The following COL4A1 variants were observed in gnomAD, a reference collection of about 807,000 sequenced individuals.
COL4A1 encodes the protein collagen type IV alpha 1 chain, also known as collagen alpha-1(IV) chain.
A neutral mutation model predicts 216.6 loss-of-function variants in COL4A1; 40 were observed. The observed-to-expected ratio is 0.18, with a 90% CI of 0.14 to 0.24. COL4A1 has a LOEUF of 0.24. Among genes scored for constraint, COL4A1 ranks in the 10% least tolerant of loss-of-function variants. The pLI, the probability that COL4A1 is intolerant of heterozygous loss-of-function variation, is 1.00. For missense variants in COL4A1, 1,628 were observed against 2,196.8 expected (o/e 0.74, Z 5.18); for synonymous variants, 839 against 810.7 (o/e 1.03, Z -0.59).
intron 36 of COL4A1, among the ~76,000 whole-genome samples, chr13:110,176,003 C>T (rs2005447): frequency 0.33 from 50,003 of 152,022 alleles, 8,443 homozygotes; most frequent in Non-Finnish European, 0.37. Context: ...ACACTGATGG[C>T]AAAGCATTAA....
intron 2 of COL4A1, 90 bp downstream of exon 2, chr13:110,242,585 C>G: frequency 1.4e-6 from 2 of 1,412,926 alleles, no homozygotes; most frequent in Non-Finnish European, 2.0e-6. Context: ...AAGGCTTTCA[C>G]CTGAATTGCT....
chr13:110,228,733 C>T (rs946635423), intron 2 of COL4A1, among the ~76,000 whole-genome samples: 8 of 152,186 alleles, frequency 5.3e-5, no homozygotes, highest in Non-Finnish European at 1.0e-4. Context: ...GGCATCTGGT[C>T]AATTGTCTCT....
chr13:110,291,562 C>T (rs918961794), intron 1 of COL4A1, among the ~76,000 whole-genome samples: 6 of 152,230 alleles, frequency 3.9e-5, no homozygotes, highest in Non-Finnish European at 8.8e-5. Flanking sequence ...AGGGACTAGA[C>T]TTGTCAGTTT....
intron 1 of COL4A1, among the ~76,000 whole-genome samples, chr13:110,255,599 GGGCAGGCAGGAAGGGAGGGGGCA>G (rs1179524135): frequency 1.3e-4 from 1 of 7,816 alleles, no homozygotes; most frequent in African/African-American, 6.6e-4. Flanking sequence ...GAAGGGAAGG[GGGCAGGCAGGAAGGGAGGGGGCA>G]GGCAGGCAGG....
At position 110,222,496 on chromosome 13, in the gene COL4A1, G is replaced by A. The variant is rs1240966117; in HGVS notation, c.145-8481C>T. Among the ~76,000 whole-genome samples the A allele has an allele frequency of 3.7e-5, 5 of 136,554 alleles. No homozygotes were observed. In the Admixed American group the frequency reaches 3.9e-4, roughly 11 times the overall value. The allele number at this position is 136,554 out of a possible 152,430, so 89.6% of individuals were successfully genotyped here. ...TAAAGAATTAAGGCTTTTTCAGGCC[G>A]GGCGCGGTGGCTCACGCCTGTAATC... On this transcript the variant is annotated intron_variant, in intron 2 of 51. Coordinates refer to ENST00000375820, the MANE Select transcript of COL4A1 (RefSeq NM_001845.6).
intron 2 of COL4A1, 131 bp from the exon 3 acceptor site, chr13:110,214,146 T>G: frequency 1.3e-6 from 1 of 755,206 alleles, no homozygotes; most frequent in Non-Finnish European, 2.3e-6. Context: ...CAGGCTGGAG[T>G]GCATGCACGA....
At chr13:110,177,494 A>C (rs1473354919) in intron 33 of COL4A1, among the ~76,000 whole-genome samples, 2 of 152,238 alleles carry the variant, frequency 1.3e-5, no homozygotes, top group African/African-American at 2.4e-5. Context: ...ATAAAGACGA[A>C]GCCTTGTAAA....
At chr13:110,196,263 C>T (rs1379718851) in intron 21 of COL4A1, among the ~76,000 whole-genome samples, 1 of 152,200 alleles carries the variant, frequency 6.6e-6, no homozygotes, top group Non-Finnish European at 1.5e-5. Flanking sequence ...CCATGGGTCC[C>T]CCACAGCCAC....
intron 36 of COL4A1, among the ~76,000 whole-genome samples, chr13:110,176,123 C>T (rs1231517434): frequency 1.3e-5 from 2 of 152,212 alleles, no homozygotes; most frequent in Admixed American, 6.5e-5. Context: ...GAGAAGCCGT[C>T]GTCTCTTAGG....
intron 1 of COL4A1, among the ~76,000 whole-genome samples, chr13:110,258,724 G>T (rs1411457172): frequency 6.6e-6 from 1 of 152,086 alleles, no homozygotes; most frequent in African/African-American, 2.4e-5. Flanking sequence ...TTGTTGCTTT[G>T]ACTTCAATTT....
At chr13:110,201,171 T>G (rs1879173696) in intron 19 of COL4A1, among the ~76,000 whole-genome samples, 1 of 145,696 alleles carries the variant, frequency 6.9e-6, no homozygotes, top group Non-Finnish European at 1.5e-5. Context: ...GCTTCCAAAA[T>G]ATGGAGGAAC....
At chr13:110,210,248 T>A (rs1339454411) in intron 8 of COL4A1, 36 bp from the exon 9 acceptor site, 1 of 1,592,724 alleles carries the variant, frequency 6.3e-7, no homozygotes, top group South Asian at 1.1e-5. Flanking sequence ...AAGTTGCAAA[T>A]ATCGACATTC....
chr13:110,212,912 A>G (rs765151136), intron 4 of COL4A1, among the ~76,000 whole-genome samples: 3 of 152,246 alleles, frequency 2.0e-5, no homozygotes, highest in Non-Finnish European at 4.4e-5. Flanking sequence ...GGTGGAATCC[A>G]TGCACCATGG....
At chr13:110,160,534 T>A (rs1877034847) in intron 49 of COL4A1, among the ~76,000 whole-genome samples, 1 of 152,198 alleles carries the variant, frequency 6.6e-6, no homozygotes, top group African/African-American at 2.4e-5. Flanking sequence ...TGTTACTTTT[T>A]AAAAAGAAAG....
intron 2 of COL4A1, among the ~76,000 whole-genome samples, chr13:110,227,427 A>C (rs9515171): frequency 0.054 from 7,038 of 130,030 alleles, 184 homozygotes; most frequent in East Asian, 0.11. Context: ...CACACACACA[A>C]ACACACACAA....
intron 1 of COL4A1, among the ~76,000 whole-genome samples, chr13:110,261,091 C>T: frequency 6.9e-6 from 1 of 145,678 alleles, no homozygotes; most frequent in African/African-American, 2.5e-5. Flanking sequence ...GTGTATTTTA[C>T]CACAATTTTA....
chr13:110,273,606 T>G (rs1883326623), intron 1 of COL4A1, among the ~76,000 whole-genome samples: 1 of 152,198 alleles, frequency 6.6e-6, no homozygotes, highest in Non-Finnish European at 1.5e-5. Flanking sequence ...GTTTAAATTG[T>G]TTATGGCAAC....
At chr13:110,261,344 T>C (rs1204172534) in intron 1 of COL4A1, among the ~76,000 whole-genome samples, 1 of 152,180 alleles carries the variant, frequency 6.6e-6, no homozygotes, top group Non-Finnish European at 1.5e-5. Flanking sequence ...TTTTGGATTC[T>C]CTCAAAACAA....
At chr13:110,218,736 G>A (rs1007515900) in intron 2 of COL4A1, among the ~76,000 whole-genome samples, 11 of 152,304 alleles carry the variant, frequency 7.2e-5, no homozygotes, top group African/African-American at 2.2e-4. Context: ...GCTGGAGTCC[G>A]CAGCAGTGGC....
Sources: allele counts gnomAD v4.1 joint callset (sites outside exome capture counted in the v4.1 genomes callset), GRCh38; gene constraint gnomAD v4.1.1; transcripts MANE v1.5; gene names NCBI Gene and HGNC (gene_info 2026-07-23, HGNC 2026-07-21).